Variants in KCNH8 observed in about 807,000 individuals in gnomAD.
The protein encoded by KCNH8 is voltage-gated delayed rectifier potassium channel KCNH8.
In KCNH8, 70 loss-of-function variants were observed where a neutral mutation model predicts 103.6. That is an observed-to-expected ratio of 0.68 (90% CI 0.56 to 0.82). The LOEUF is 0.82. Ranked by LOEUF, KCNH8 falls within the 40% of genes least tolerant of loss-of-function variation. The pLI is 0.00. For missense variants in KCNH8, 1,217 were observed against 1,329.9 expected (o/e 0.92, Z 1.32); for synonymous variants, 498 against 489.4 (o/e 1.02, Z -0.23).
chr3:19,174,017 C>CG (rs2063374139), intron 1 of KCNH8, among the ~76,000 whole-genome samples: 2 of 151,152 alleles, frequency 1.3e-5, no homozygotes, highest in Non-Finnish European at 2.9e-5. Flanking sequence ...TATTACCACT[C>CG]TGACTTTGCC....
chr3:19,468,223 C>G (rs1056371476), intron 11 of KCNH8, among the ~76,000 whole-genome samples: 5 of 152,106 alleles, frequency 3.3e-5, no homozygotes, highest in Non-Finnish European at 7.4e-5. Flanking sequence ...ATACTATAGC[C>G]CCAGTGCCTA....
At chr3:19,463,892 G>T (rs1267415491) in intron 11 of KCNH8, among the ~76,000 whole-genome samples, 1 of 152,102 alleles carries the variant, frequency 6.6e-6, no homozygotes, top group Non-Finnish European at 1.5e-5. Context: ...ACAGAATTCT[G>T]TATAGCAGTG....
chr3:19,306,951 C>T (rs533777458), intron 3 of KCNH8, among the ~76,000 whole-genome samples: 1 of 152,090 alleles, frequency 6.6e-6, no homozygotes, highest in East Asian at 1.9e-4. Flanking sequence ...GGCAGTATTA[C>T]ACTAGCAGAC....
intron 5 of KCNH8, among the ~76,000 whole-genome samples, chr3:19,360,492 A>G (rs2065934256): frequency 1.3e-5 from 2 of 152,062 alleles, no homozygotes; most frequent in South Asian, 4.1e-4. Flanking sequence ...CATTCCCACT[A>G]TATCAGCAGA....
At position 19,513,112 on chromosome 3, in the gene KCNH8, A is replaced by G; in HGVS notation, c.2222A>G (p.Lys741Arg). 2.5e-6 allele frequency: 4 copies of G among 1,613,962 alleles called. No individual in the cohort carries two copies. The highest frequency in any genetic ancestry group is 2.5e-6 in the Non-Finnish European group (3 of 1,179,948). Reference sequence around the variant, plus strand: ...AGGGGATCTTCTTCGCGCAACAAGAAGGTTGGAAGCAATAAAGCCTACCTG... The same window carrying G: ...AGGGGATCTTCTTCGCGCAACAAGAGGGTTGGAAGCAATAAAGCCTACCTG... ...CTRGSSSRNKKVGSNKAYLGL... is the reference protein window; with the variant it reads ...CTRGSSSRNKRVGSNKAYLGL... The change falls in exon 13 of 16, where the codon AAG becomes AGG. Residue 741 changes from lysine (K) to arginine (R), a missense_variant. Coordinates refer to ENST00000328405, the MANE Select transcript of KCNH8 (RefSeq NM_144633.3).
At chr3:19,515,535 T>C in intron 14 of KCNH8, 107 bp downstream of exon 14, 1 of 492,842 alleles carries the variant, frequency 2.0e-6, no homozygotes, top group Non-Finnish European at 3.5e-6. Context: ...TAGAATATTC[T>C]CCCTGTCATA....
At chr3:19,277,233 A>G (rs2064686988) in intron 2 of KCNH8, among the ~76,000 whole-genome samples, 1 of 152,056 alleles carries the variant, frequency 6.6e-6, no homozygotes, top group Admixed American at 6.6e-5. Context: ...AAATATCTAT[A>G]AAGATATTTA....
At chr3:19,265,441 G>A (rs1033972969) in intron 2 of KCNH8, among the ~76,000 whole-genome samples, 2 of 151,974 alleles carry the variant, frequency 1.3e-5, no homozygotes, top group African/African-American at 4.8e-5. Context: ...TGCCCATGAG[G>A]GTGGCCTTGT....
At chr3:19,350,239 TAC>T (rs2065781594) in intron 5 of KCNH8, among the ~76,000 whole-genome samples, 1 of 152,130 alleles carries the variant, frequency 6.6e-6, no homozygotes, top group Non-Finnish European at 1.5e-5. Flanking sequence ...TAAGTTAAAA[TAC>T]TGGGGACAAA....
chr3:19,259,039 T>C (rs2064392346), intron 2 of KCNH8, among the ~76,000 whole-genome samples: 1 of 146,258 alleles, frequency 6.8e-6, no homozygotes, highest in Non-Finnish European at 1.5e-5. Flanking sequence ...TATTTCTAAA[T>C]AGTAAAAAAG....
At chr3:19,372,756 G>C (rs548967638) in intron 5 of KCNH8, among the ~76,000 whole-genome samples, 61 of 152,138 alleles carry the variant, frequency 4.0e-4, no homozygotes, top group African/African-American at 1.4e-3. Flanking sequence ...GTTTGTCATA[G>C]ATAGCTCTTA....
intron 11 of KCNH8, among the ~76,000 whole-genome samples, chr3:19,471,627 T>C (rs766829568): frequency 8.5e-5 from 13 of 152,186 alleles, no homozygotes; most frequent in Non-Finnish European, 1.5e-4. Flanking sequence ...ATAAGTTGTA[T>C]AAGTTTATGC....
chr3:19,520,296 A>G (rs1191522387), intron 15 of KCNH8, among the ~76,000 whole-genome samples: 2 of 151,900 alleles, frequency 1.3e-5, no homozygotes, highest in South Asian at 2.1e-4. Context: ...AAGATAAAAT[A>G]TCAAGGTCCA....
intron 5 of KCNH8, among the ~76,000 whole-genome samples, chr3:19,367,777 G>A (rs887532930): frequency 6.6e-6 from 1 of 151,918 alleles, no homozygotes; most frequent in Non-Finnish European, 1.5e-5. Flanking sequence ...GCCTACTTTA[G>A]AGTTGCTAAT....
chr3:19,428,434 C>T (rs2067061372), intron 7 of KCNH8, among the ~76,000 whole-genome samples: 1 of 152,110 alleles, frequency 6.6e-6, no homozygotes, highest in African/African-American at 2.4e-5. Flanking sequence ...TTATTTTCTA[C>T]TTACGGAACT....
At chr3:19,439,891 G>A (rs2067255882) in intron 8 of KCNH8, among the ~76,000 whole-genome samples, 1 of 151,160 alleles carries the variant, frequency 6.6e-6, no homozygotes, top group Non-Finnish European at 1.5e-5. Flanking sequence ...ATAAAAAGAA[G>A]GAAAGCAAAA....
At chr3:19,206,854 C>T (rs2063721961) in intron 1 of KCNH8, among the ~76,000 whole-genome samples, 1 of 151,978 alleles carries the variant, frequency 6.6e-6, no homozygotes, top group Non-Finnish European at 1.5e-5. Flanking sequence ...AGAGAAAAGC[C>T]TGCCAGATAT....
At chr3:19,450,795 G>T (rs926507033) in intron 9 of KCNH8, 2 of 278,838 alleles carry the variant, frequency 7.2e-6, no homozygotes, top group Non-Finnish European at 1.4e-5. Context: ...CATTTTAGTA[G>T]TGATTAATTG....
At chr3:19,497,461 T>A (rs530876335) in intron 11 of KCNH8, among the ~76,000 whole-genome samples, 12 of 152,214 alleles carry the variant, frequency 7.9e-5, no homozygotes, top group Non-Finnish European at 1.5e-4. Flanking sequence ...TCTTATTAGT[T>A]TCAAATAACT....
Sources: allele counts gnomAD v4.1 joint callset (sites outside exome capture counted in the v4.1 genomes callset), GRCh38; gene constraint gnomAD v4.1.1; transcripts MANE v1.5; gene names NCBI Gene and HGNC (gene_info 2026-07-23, HGNC 2026-07-21).